CDH13: variants seen among roughly 807,000 people sequenced by gnomAD.
The protein encoded by CDH13 is cadherin 13.
A neutral mutation model predicts 63.8 loss-of-function variants in CDH13; 24 were observed. That is an observed-to-expected ratio of 0.38 (90% confidence interval 0.27 to 0.53). CDH13 has a LOEUF of 0.53. CDH13 is among the 20% of genes least tolerant of loss of function. The pLI, the probability that CDH13 is intolerant of heterozygous loss-of-function variation, is 0.85. For missense variants in CDH13, 1,049 were observed against 903.1 expected (o/e 1.16, Z -2.07); for synonymous variants, 503 against 355.3 (o/e 1.42, Z -4.67).
At chr16:82,690,906 C>A (rs141542057) in intron 1 of CDH13, among the ~76,000 whole-genome samples, 4 of 152,156 alleles carry the variant, frequency 2.6e-5, no homozygotes, top group African/African-American at 7.2e-5. Context: ...TGAGGATGAA[C>A]GCTCTAGTTG....
At chr16:83,694,934 C>T (rs549381423) in intron 10 of CDH13, among the ~76,000 whole-genome samples, 6 of 152,082 alleles carry the variant, frequency 3.9e-5, no homozygotes, top group Admixed American at 6.6e-5. Context: ...TAGCCAGGCA[C>T]GGTGGTTCAC....
chr16:83,082,198 G>A (rs187264960), intron 3 of CDH13, among the ~76,000 whole-genome samples: 149 of 152,272 alleles, frequency 9.8e-4, no homozygotes, highest in East Asian at 6.8e-3. Flanking sequence ...AGTTCAGCTC[G>A]TAACATTCCA....
At chr16:83,653,713 T>C (rs963886591) in intron 8 of CDH13, among the ~76,000 whole-genome samples, 12 of 152,170 alleles carry the variant, frequency 7.9e-5, no homozygotes, top group African/African-American at 2.9e-4. Flanking sequence ...AGGAATTCTC[T>C]TACCCTGCTT....
At chr16:83,076,827 G>T (rs1435766775) in intron 3 of CDH13, among the ~76,000 whole-genome samples, 2 of 152,056 alleles carry the variant, frequency 1.3e-5, no homozygotes, top group Non-Finnish European at 2.9e-5. Context: ...AACCCACAAA[G>T]CTTATGCGTC....
chr16:82,780,024 C>T (rs1394842076), intron 1 of CDH13, among the ~76,000 whole-genome samples: 2 of 152,014 alleles, frequency 1.3e-5, no homozygotes, highest in Non-Finnish European at 2.9e-5. Flanking sequence ...TCCATTTTGC[C>T]CATGATTTCA....
chr16:82,919,871 CAG>C (rs917109164), intron 2 of CDH13, among the ~76,000 whole-genome samples: 7 of 152,140 alleles, frequency 4.6e-5, no homozygotes, highest in Non-Finnish European at 8.8e-5. Context: ...AGAAAACAAA[CAG>C]AAATAATAGT....
chr16:83,570,858 A>ATT lies in CDH13; in HGVS notation c.961-31596_961-31595insTT, dbSNP rs1904538148. The stretch of plus-strand genomic sequence containing the variant: ...TTTATATTTTTATATATATAAATAT[A>ATT]AATATATTTATATATTTATATTTAT... On this transcript the variant is annotated intron_variant, in intron 7 of 13. Transcript: ENST00000567109. Among the ~76,000 whole-genome samples, 21 of 138,416 alleles carry ATT rather than the reference A, an allele frequency of 1.5e-4. 1 individual carries two copies. In the Admixed American group the frequency reaches 1.5e-3, roughly 10 times the overall value. 90.8% of individuals were successfully genotyped at this position (138,416 alleles called of 152,430 possible). A position where few individuals can be genotyped will look rare whatever the true frequency, so the allele number is the denominator to read the frequency against.
At chr16:83,044,469 C>G (rs545200247) in intron 3 of CDH13, among the ~76,000 whole-genome samples, 1 of 152,170 alleles carries the variant, frequency 6.6e-6, no homozygotes, top group African/African-American at 2.4e-5. Context: ...ATTTTAAAAA[C>G]TTTTCCTGTG....
intron 4 of CDH13, among the ~76,000 whole-genome samples, chr16:83,178,078 G>T (rs943208105): frequency 6.6e-6 from 1 of 152,122 alleles, no homozygotes; most frequent in Non-Finnish European, 1.5e-5. Context: ...GTCCTGTTTA[G>T]GTTCACAGCT....
intron 3 of CDH13, among the ~76,000 whole-genome samples, chr16:83,123,227 G>C (rs1015579338): frequency 5.3e-5 from 8 of 151,190 alleles, no homozygotes; most frequent in Non-Finnish European, 7.4e-5. Flanking sequence ...TATACGTATA[G>C]ATATATTTAC....
intron 5 of CDH13, among the ~76,000 whole-genome samples, chr16:83,241,382 C>G (rs1904430534): frequency 6.6e-6 from 1 of 152,104 alleles, no homozygotes; most frequent in Admixed American, 6.6e-5. Flanking sequence ...TGGTAATTGT[C>G]TTTAGCTTTT....
intron 1 of CDH13, among the ~76,000 whole-genome samples, chr16:82,673,658 A>C (rs1435441282): frequency 6.6e-6 from 1 of 152,246 alleles, no homozygotes; most frequent in Non-Finnish European, 1.5e-5. Flanking sequence ...CTCCCTAAAG[A>C]AATCATATTT....
chr16:83,794,829 T>C (rs1291468140), intron 13 of CDH13, among the ~76,000 whole-genome samples, 194 bp from the exon 14 acceptor site: 2 of 152,060 alleles, frequency 1.3e-5, no homozygotes, highest in African/African-American at 2.4e-5. Flanking sequence ...TTCAGAGAAG[T>C]CCAGCTTTTT....
chr16:82,859,361 C>G (rs1333998274), intron 2 of CDH13: 1 of 152,240 alleles, frequency 6.6e-6, no homozygotes, highest in East Asian at 1.9e-4. Flanking sequence ...AGTTCAAGAC[C>G]AGTCTGGGCA....
rs575181783 is a variant in CDH13, at chr16:82,886,121, T to G, written c.157+27648T>G. The stretch of plus-strand genomic sequence containing the variant: ...CTGTTTCATCAGCTCATTTTAAAGG[T>G]TTCTTTAATAGCTGAAAAATATTCT... On this transcript the variant is annotated intron_variant, in intron 2 of 13. Coordinates refer to ENST00000567109, the MANE Select transcript of CDH13 (RefSeq NM_001257.5). 3.3e-5 allele frequency among the ~76,000 whole-genome samples: 5 copies of G among 152,322 alleles called. 1 individual carries two copies. In the South Asian group the frequency reaches 1.0e-3, roughly 32 times the overall value.
chr16:83,610,360 C>T (rs993307912), intron 8 of CDH13, among the ~76,000 whole-genome samples: 1 of 152,104 alleles, frequency 6.6e-6, no homozygotes, highest in African/African-American at 2.4e-5. Context: ...CAAGACTTAT[C>T]AACTTCTTTT....
chr16:83,410,352 C>T (rs980951129), intron 6 of CDH13, among the ~76,000 whole-genome samples: 1 of 152,092 alleles, frequency 6.6e-6, no homozygotes, highest in Admixed American at 6.6e-5. Flanking sequence ...ACCTTTTTAT[C>T]TCTTATACAG....
intron 7 of CDH13, among the ~76,000 whole-genome samples, chr16:83,520,009 G>T (rs557843489): frequency 3.9e-5 from 6 of 152,084 alleles, no homozygotes; most frequent in Non-Finnish European, 8.8e-5. Flanking sequence ...CAGGAAAAGG[G>T]CTAGGCCTGG....
At chr16:83,592,467 G>A (rs1598342091) in intron 7 of CDH13, among the ~76,000 whole-genome samples, 1 of 152,270 alleles carries the variant, frequency 6.6e-6, no homozygotes, top group East Asian at 1.9e-4. Flanking sequence ...TGAATGTCAA[G>A]TATTTGCCAC....
Sources: allele counts gnomAD v4.1 joint callset (sites outside exome capture counted in the v4.1 genomes callset), GRCh38; gene constraint gnomAD v4.1.1; transcripts MANE v1.5; gene names NCBI Gene and HGNC (gene_info 2026-07-23, HGNC 2026-07-21).